SLC14A2: variants seen among roughly 807,000 people sequenced by gnomAD.
SLC14A2 encodes the protein solute carrier family 14 member 2.
SLC14A2 carries 91 observed loss-of-function variants against 104.6 expected under a neutral mutation model. The ratio of observed to expected loss-of-function variants is 0.87; its 90% CI spans 0.73 to 1.04. The LOEUF (loss-of-function observed/expected upper bound fraction) is 1.04. SLC14A2 is among the 50% of genes least tolerant of loss of function. The pLI, the probability that SLC14A2 is intolerant of heterozygous loss-of-function variation, is 0.00. For missense variants in SLC14A2, 1,189 were observed against 1,156.0 expected, an observed-to-expected ratio of 1.03 and a Z score of -0.41; for synonymous variants, 476 against 466.4, an observed-to-expected ratio of 1.02 and a Z score of -0.27.
chr18:45,426,730 C>T (rs867903531), intron 1 of SLC14A2, among the ~76,000 whole-genome samples: 72 of 150,148 alleles, frequency 4.8e-4, no homozygotes, highest in African/African-American at 1.4e-3. Context: ...CACACACACA[C>T]ACATACATAC....
intron 1 of SLC14A2, among the ~76,000 whole-genome samples, chr18:45,253,644 A>T (rs2084446132): frequency 6.6e-6 from 1 of 152,132 alleles, no homozygotes; most frequent in Non-Finnish European, 1.5e-5. Context: ...TCATTTAATC[A>T]TTTTTATATA....
intron 3 of SLC14A2, among the ~76,000 whole-genome samples, chr18:45,626,318 T>G (rs1214318431): frequency 5.3e-5 from 8 of 152,112 alleles, no homozygotes; most frequent in African/African-American, 1.9e-4. Context: ...TCCTTTTAAC[T>G]TCTCGAACTA....
intron 1 of SLC14A2, among the ~76,000 whole-genome samples, chr18:45,399,797 G>T (rs1016628512): frequency 6.6e-5 from 10 of 152,292 alleles, no homozygotes; most frequent in Admixed American, 6.5e-4. Context: ...TTCTGATCAT[G>T]CTACTATTCC....
chr18:45,301,485 G>C (rs1335035011), intron 1 of SLC14A2, among the ~76,000 whole-genome samples: 2 of 152,156 alleles, frequency 1.3e-5, no homozygotes, highest in Non-Finnish European at 2.9e-5. Context: ...TGTCAGGCCT[G>C]TGTCCTGAGG....
intron 2 of SLC14A2, among the ~76,000 whole-genome samples, chr18:45,508,087 T>A (rs187778765): frequency 4.6e-5 from 7 of 152,356 alleles, no homozygotes; most frequent in Admixed American, 4.6e-4. Flanking sequence ...TCATCCAACA[T>A]GCTCAACAGA....
intron 1 of SLC14A2, among the ~76,000 whole-genome samples, chr18:45,320,266 T>C (rs1432302167): frequency 6.6e-6 from 1 of 152,204 alleles, no homozygotes; most frequent in Non-Finnish European, 1.5e-5. Flanking sequence ...TCTCTAATTT[T>C]TGGCACATCT....
intron 1 of SLC14A2, among the ~76,000 whole-genome samples, chr18:45,297,555 G>A (rs1406552941): frequency 2.0e-5 from 3 of 152,184 alleles, no homozygotes; most frequent in South Asian, 4.1e-4. Flanking sequence ...GCTAGCTATG[G>A]ATTTAGGACA....
chr18:45,649,076 CAGG>C (rs1413217793), intron 10 of SLC14A2, among the ~76,000 whole-genome samples: 1 of 152,126 alleles, frequency 6.6e-6, no homozygotes, highest in African/African-American at 2.4e-5. Flanking sequence ...GAGGCTGAGG[CAGG>C]AGAATGGTGT....
chr18:45,629,314 G>C (rs1026226481), intron 4 of SLC14A2, among the ~76,000 whole-genome samples: 3 of 152,176 alleles, frequency 2.0e-5, no homozygotes, highest in Admixed American at 6.5e-5. Context: ...AGATGGATGA[G>C]AGGCTGAATT....
At chr18:45,231,668 C>T (rs2084176048) in intron 1 of SLC14A2, among the ~76,000 whole-genome samples, 2 of 152,172 alleles carry the variant, frequency 1.3e-5, no homozygotes, top group African/African-American at 2.4e-5. Flanking sequence ...ATTACATAGT[C>T]CTTTAATATG....
intron 2 of SLC14A2, among the ~76,000 whole-genome samples, chr18:45,549,625 T>G (rs2044027693): frequency 1.3e-5 from 2 of 152,178 alleles, no homozygotes; most frequent in Admixed American, 1.3e-4. Flanking sequence ...GAGGCAAAAA[T>G]GCTAGTCGGA....
the SLC14A2 span, among the ~76,000 whole-genome samples, chr18:45,200,381 C>T: frequency 1.3e-5 from 2 of 152,278 alleles, no homozygotes; most frequent in East Asian, 1.9e-4. Flanking sequence ...TAATGCCTTC[C>T]TTACCTTTAT....
chr18:45,336,766 A>G (rs1202193452), intron 1 of SLC14A2, among the ~76,000 whole-genome samples: 1 of 152,168 alleles, frequency 6.6e-6, no homozygotes, highest in Admixed American at 6.5e-5. Context: ...TCCATCACCA[A>G]AACTAAATCT....
At chr18:45,512,352 G>C (rs551632004) in intron 2 of SLC14A2, among the ~76,000 whole-genome samples, 3 of 152,182 alleles carry the variant, frequency 2.0e-5, no homozygotes, top group African/African-American at 7.2e-5. Flanking sequence ...TCAGATGGGC[G>C]ATACCTAGGC....
chr18:45,452,036 C>A (rs1393072954), intron 1 of SLC14A2, among the ~76,000 whole-genome samples: 1 of 151,482 alleles, frequency 6.6e-6, no homozygotes, highest in African/African-American at 2.4e-5. Flanking sequence ...TTTTTCAAAT[C>A]AAAAATATGG....
intron 1 of SLC14A2, among the ~76,000 whole-genome samples, chr18:45,383,763 G>A (rs2085863974): frequency 6.6e-6 from 1 of 152,056 alleles, no homozygotes; most frequent in African/African-American, 2.4e-5. Context: ...CATCCCAGTG[G>A]CATGTGCTAG....
the SLC14A2 span, among the ~76,000 whole-genome samples, chr18:45,175,361 A>T: frequency 2.0e-5 from 3 of 150,624 alleles, no homozygotes; most frequent in East Asian, 5.9e-4. Context: ...AGGTAAAAAA[A>T]AGTGTCATAA....
intron 18 of SLC14A2, among the ~76,000 whole-genome samples, chr18:45,675,508 G>A (rs958533823): frequency 1.3e-4 from 20 of 151,544 alleles, no homozygotes; most frequent in African/African-American, 3.6e-4. Flanking sequence ...TTTGGGGGGC[G>A]TTTTACTGTT....
chr18:45,245,911 A>G (rs2084363672), intron 1 of SLC14A2, among the ~76,000 whole-genome samples: 1 of 152,216 alleles, frequency 6.6e-6, no homozygotes. Flanking sequence ...AAGAGCATAT[A>G]CTATTGTTTT....
Sources: allele counts gnomAD v4.1 joint callset (sites outside exome capture counted in the v4.1 genomes callset), GRCh38; gene constraint gnomAD v4.1.1; transcripts MANE v1.5; gene names NCBI Gene and HGNC (gene_info 2026-07-23, HGNC 2026-07-21).